TMEM131: variants seen among roughly 807,000 people sequenced by gnomAD.
The protein encoded by TMEM131 is 2610524E03Rik.
In TMEM131, 66 loss-of-function variants were observed where a neutral mutation model predicts 211.6. That is an observed-to-expected ratio of 0.31 (90% CI 0.26 to 0.38). TMEM131 has a LOEUF of 0.38. Among genes scored for constraint, TMEM131 ranks in the 10% least tolerant of loss-of-function variants. The pLI, the probability that TMEM131 is intolerant of heterozygous loss-of-function variation, is 1.00. For synonymous variants in TMEM131, 844 were observed against 841.3 expected (o/e 1.00, Z -0.06); for missense variants, 2,036 against 2,299.3 (o/e 0.89, Z 2.34).
chr2:97,866,084 C>T (rs1366200766), intron 4 of TMEM131, among the ~76,000 whole-genome samples: 1 of 152,192 alleles, frequency 6.6e-6, no homozygotes, highest in Non-Finnish European at 1.5e-5. Context: ...TGGGGTTTCA[C>T]CGTTAGCCAG....
chr2:97,844,566 A>C (rs1683338661), intron 5 of TMEM131, among the ~76,000 whole-genome samples: 2 of 152,164 alleles, frequency 1.3e-5, no homozygotes, highest in African/African-American at 4.8e-5. Context: ...AGACAATCAG[A>C]TAGGAGTTGC....
At chr2:97,833,246 T>TCA in intron 11 of TMEM131, 119 bp downstream of exon 11, 1 of 561,026 alleles carries the variant, frequency 1.8e-6, no homozygotes, top group Non-Finnish European at 3.1e-6. Flanking sequence ...AACCAAAGTG[T>TCA]CACCAGGTCA....
intron 1 of TMEM131, among the ~76,000 whole-genome samples, chr2:97,978,024 T>C (rs1246803902): frequency 6.6e-6 from 1 of 151,828 alleles, no homozygotes; most frequent in East Asian, 1.9e-4. Flanking sequence ...GAGGTGGAGG[T>C]TGCAGTGAGC....
intron 11 of TMEM131, among the ~76,000 whole-genome samples, chr2:97,829,770 GAAGGAACCAACTCT>G (rs1682575367): frequency 6.6e-6 from 1 of 152,154 alleles, no homozygotes; most frequent in African/African-American, 2.4e-5. Flanking sequence ...GAACCCACCA[GAAGGAACCAACTCT>G]GGACACACAA....
intron 1 of TMEM131, among the ~76,000 whole-genome samples, chr2:97,976,315 A>G (rs1257050193): frequency 6.6e-6 from 1 of 152,188 alleles, no homozygotes; most frequent in African/African-American, 2.4e-5. Context: ...TATTAGAACT[A>G]TTAAGTCAGT....
chr2:97,766,113 C>T lies in TMEM131; in HGVS notation c.4723+1G>A, dbSNP rs771542447. Reference sequence around the variant, plus strand: ...TGTGGTTTCTAAACTACTATACTTACAGCTGCCAGGTTTGTGAACTGGAAC... The same window carrying T: ...TGTGGTTTCTAAACTACTATACTTATAGCTGCCAGGTTTGTGAACTGGAAC... On this transcript the variant is annotated splice_donor_variant, in intron 35 of 40. Transcript: ENST00000186436. LOFTEE classifies it high-confidence loss of function. 1.2e-6 allele frequency: 2 copies of T among 1,613,974 alleles called. No homozygotes were observed. Among genetic ancestry groups the T allele is most frequent in the Admixed American group, 3.3e-5 (2 of 60,028 alleles).
intron 34 of TMEM131, 79 bp from the exon 35 acceptor site, chr2:97,766,342 T>G (rs770917379): frequency 8.7e-6 from 14 of 1,602,812 alleles, no homozygotes; most frequent in Non-Finnish European, 1.2e-5. Context: ...AACCTTCTAA[T>G]GAGGACAAGA....
In TMEM131 at chr2:97,756,983, A is replaced by G. The variant is rs112935864; in HGVS notation, c.*116T>C. On this transcript the variant is annotated 3_prime_UTR_variant, in exon 41 of 41. Coordinates refer to ENST00000186436, the MANE Select transcript of TMEM131 (RefSeq NM_015348.2). ...CCTGCCCTGCTTGGGTCTGTTTTGC[A>G]AAGAAGAGGAGGGTGGGGAGGGGAG... 4.5e-6 allele frequency: 6 copies of G among 1,319,844 alleles called. No individual in the cohort carries two copies. The African/African-American group carries it at 5.9e-5, about 13-fold the overall frequency. 81.8% of individuals were successfully genotyped at this position (1,319,844 alleles called of 1,614,324 possible).
chr2:97,778,389 A>G (rs1679832937), intron 31 of TMEM131, among the ~76,000 whole-genome samples: 1 of 152,116 alleles, frequency 6.6e-6, no homozygotes, highest in African/African-American at 2.4e-5. Context: ...CATCTCTACT[A>G]AAAATATAAA....
intron 22 of TMEM131, among the ~76,000 whole-genome samples, chr2:97,803,596 G>T (rs1406908202): frequency 1.3e-5 from 2 of 152,156 alleles, no homozygotes; most frequent in Non-Finnish European, 2.9e-5. Context: ...CTCTAATACT[G>T]GTAAGAGTAC....
intron 4 of TMEM131, among the ~76,000 whole-genome samples, chr2:97,875,367 C>G (rs1674651378): frequency 6.6e-6 from 1 of 152,134 alleles, no homozygotes; most frequent in Non-Finnish European, 1.5e-5. Flanking sequence ...ACCAAGCAAA[C>G]CTAATAGACA....
intron 5 of TMEM131, among the ~76,000 whole-genome samples, chr2:97,852,868 C>T (rs138043004): frequency 1.9e-4 from 29 of 152,362 alleles, no homozygotes; most frequent in Admixed American, 2.0e-4. Context: ...CAGTGCTCAT[C>T]TGCCATTCTG....
chr2:97,796,262 T>C lies in TMEM131; in HGVS notation c.3156A>G (p.Gln1052=), dbSNP rs1189195357. The C allele has an allele frequency of 1.9e-6, 3 of 1,571,862 alleles. No individual in the cohort carries two copies. The highest frequency in any genetic ancestry group is 2.6e-6 in the Non-Finnish European group (3 of 1,157,064). ...EGYGFKVVNC[Q]EFTLSANASR... is the part of the protein sequence containing the mutation. ...AAGCATTGGCACTTAGAGTAAACTCTTGACAATTAACAACTTTAAAGCCAT... is the reference window on the plus strand; with the variant it reads ...AAGCATTGGCACTTAGAGTAAACTCCTGACAATTAACAACTTTAAAGCCAT... The change falls in exon 28 of 41, where the codon CAA becomes CAG. Residue 1052 remains glutamine, a synonymous_variant. Coordinates refer to ENST00000186436, the MANE Select transcript of TMEM131 (RefSeq NM_015348.2).
At chr2:97,972,453 G>GGGAGGGAAGGCGGGC (rs1372510869) in intron 1 of TMEM131, among the ~76,000 whole-genome samples, 1 of 145,854 alleles carries the variant, frequency 6.9e-6, no homozygotes, top group East Asian at 2.0e-4. Flanking sequence ...GAGGGAGGGA[G>GGGAGGGAAGGCGGGC]GGGAGGGAGG....
At position 97,959,558 on chromosome 2, in the gene TMEM131, C is replaced by CGTGT. The variant is rs34560570; in HGVS notation, c.188-32075_188-32072dup. ...TGAGAAAAAAATATATATATGTCTGCGTGTGTGTGTGTGTGTGTATCTATA... is the reference window on the plus strand; with the variant it reads ...TGAGAAAAAAATATATATATGTCTGCGTGTGTGTGTGTGTGTGTGTGTATCTATA... On this transcript the variant is annotated intron_variant, in intron 1 of 40. Coordinates refer to ENST00000186436, the MANE Select transcript of TMEM131 (RefSeq NM_015348.2). 2.1e-3 allele frequency among the ~76,000 whole-genome samples: 316 copies of CGTGT among 150,158 alleles called. 1 individual carries two copies. Among genetic ancestry groups the CGTGT allele is most frequent in the African/African-American group, 4.6e-3 (189 of 40,912 alleles).
intron 1 of TMEM131, among the ~76,000 whole-genome samples, chr2:97,934,333 T>C (rs944730902): frequency 2.0e-5 from 3 of 152,236 alleles, no homozygotes; most frequent in East Asian, 3.9e-4. Context: ...ACAGGACATA[T>C]GTACTGAAAT....
chr2:97,891,431 G>A (rs1217534544), intron 3 of TMEM131, among the ~76,000 whole-genome samples: 1 of 152,076 alleles, frequency 6.6e-6, no homozygotes, highest in African/African-American at 2.4e-5. Flanking sequence ...CATTATGATA[G>A]CATATTGCAT....
At chr2:97,942,498 AAAAG>A (rs756922778) in intron 1 of TMEM131, among the ~76,000 whole-genome samples, 50,741 of 150,196 alleles carry the variant, frequency 0.34, 9,327 homozygotes, top group Middle Eastern at 0.48. Context: ...AATACAAAAA[AAAAG>A]AAAAGAAAGA....
Position 97,841,948 on chromosome 2 carries a change from G to T in TMEM131, c.601-11C>A. 1 of 1,513,400 alleles carries T rather than the reference G, an allele frequency of 6.6e-7. No homozygotes were observed. Among genetic ancestry groups the T allele is most frequent in the South Asian group, 1.3e-5 (1 of 75,830 alleles). The allele number at this position is 1,513,400 out of a possible 1,614,324, so 93.7% of individuals were successfully genotyped here. A position where few individuals can be genotyped will look rare whatever the true frequency, so the allele number is the denominator to read the frequency against. The stretch of plus-strand genomic sequence containing the variant: ...TCCAACACCAAATACCTGTTTCAGT[G>T]GAGGAAAAAAATGCAATTTTAGTTG... On this transcript the variant is annotated splice_polypyrimidine_tract_variant and intron_variant, in intron 6 of 40. Coordinates refer to ENST00000186436, the MANE Select transcript of TMEM131 (RefSeq NM_015348.2).
Sources: allele counts gnomAD v4.1 joint callset (sites outside exome capture counted in the v4.1 genomes callset), GRCh38; gene constraint gnomAD v4.1.1; transcripts MANE v1.5; gene names NCBI Gene and HGNC (gene_info 2026-07-23, HGNC 2026-07-21).